Variants in USP8 observed in about 807,000 individuals in gnomAD.
The protein encoded by USP8 is ubiquitin specific peptidase 8.
USP8 carries 27 observed loss-of-function variants against 130.0 expected under a neutral mutation model. The observed-to-expected ratio is 0.21, with a 90% CI of 0.15 to 0.29. USP8 has a LOEUF of 0.29. Among genes scored for constraint, USP8 ranks in the 10% least tolerant of loss-of-function variants. USP8 has a pLI of 1.00. For missense variants in USP8, 1,029 were observed against 1,312.2 expected (o/e 0.78, Z 3.33); for synonymous variants, 392 against 444.1 (o/e 0.88, Z 1.48).
At chr15:50,466,957 G>A (rs1315091715) in intron 7 of USP8, 8 of 462,026 alleles carry the variant, frequency 1.7e-5, no homozygotes, top group Non-Finnish European at 2.8e-5. Flanking sequence ...TTTGGTGACG[G>A]TTCTAAGACA....
At chr15:50,475,114 G>T (rs1203153956) in intron 8 of USP8, among the ~76,000 whole-genome samples, 2 of 151,948 alleles carry the variant, frequency 1.3e-5, no homozygotes, top group Non-Finnish European at 2.9e-5. Context: ...ATCTCAAAAA[G>T]AAAAGACATT....
intron 3 of USP8, among the ~76,000 whole-genome samples, chr15:50,447,183 C>A (rs2050470321): frequency 6.6e-6 from 1 of 152,198 alleles, no homozygotes; most frequent in Admixed American, 6.5e-5. Context: ...TCTTCATATG[C>A]TCCAGGTTGT....
At chr15:50,446,984 A>G (rs542305507) in intron 3 of USP8, among the ~76,000 whole-genome samples, 27 of 152,310 alleles carry the variant, frequency 1.8e-4, no homozygotes, top group Admixed American at 1.6e-3. Flanking sequence ...GGACACAAAA[A>G]TTAAATCTTT....
chr15:50,433,258 C>T (rs1325949017), intron 1 of USP8, among the ~76,000 whole-genome samples: 1 of 151,866 alleles, frequency 6.6e-6, no homozygotes, highest in East Asian at 1.9e-4. Flanking sequence ...GTTATTTAAT[C>T]AATACTTAGT....
At chr15:50,436,084 T>C (rs2050082517) in intron 1 of USP8, among the ~76,000 whole-genome samples, 1 of 152,138 alleles carries the variant, frequency 6.6e-6, no homozygotes, top group East Asian at 1.9e-4. Flanking sequence ...TTTATACTCT[T>C]CTTAGTTTTA....
chr15:50,444,957 C>T (rs1595912218), intron 3 of USP8, among the ~76,000 whole-genome samples: 1 of 152,002 alleles, frequency 6.6e-6, no homozygotes, highest in South Asian at 2.1e-4. Flanking sequence ...GAGGTCTTAC[C>T]CTGTTGCCCA....
In USP8 at chr15:50,505,324, T is replaced by C. The variant is rs2052644183; in HGVS notation, c.*6236T>C. 1 of 152,176 alleles carries C rather than the reference T, an allele frequency of 6.6e-6. No homozygotes were observed. The highest frequency in any genetic ancestry group is 1.5e-5 in the Non-Finnish European group (1 of 68,028). 9.4% of individuals were successfully genotyped at this position (152,176 alleles called of 1,614,324 possible). ...GTTTACCCACAAGAATCTAACCTGC[T>C]GGTAGAAGTTCTCCATAGCAGCCAT... On this transcript the variant is annotated 3_prime_UTR_variant, in exon 20 of 20. Coordinates refer to ENST00000307179, the MANE Select transcript of USP8 (RefSeq NM_005154.5).
In USP8 at chr15:50,512,393, T is replaced by TG. The variant is rs1274096917; in HGVS notation, c.*13310dup. ...GAGAAGACTAGTAGTTGCTATGGACTGGGGGAGAAGGAACGGGTTACAGGG... is the reference window on the plus strand; with the variant it reads ...GAGAAGACTAGTAGTTGCTATGGACTGGGGGGAGAAGGAACGGGTTACAGGG... On this transcript the variant is annotated 3_prime_UTR_variant, in exon 20 of 20. Transcript: ENST00000307179. 6.6e-6 allele frequency: 1 copy of TG among 151,728 alleles called. No homozygotes were observed. Among genetic ancestry groups the TG allele is most frequent in the Non-Finnish European group, 1.5e-5 (1 of 68,068 alleles). 9.4% of individuals were successfully genotyped at this position (151,728 alleles called of 1,614,324 possible). A position where few individuals can be genotyped will look rare whatever the true frequency, so the allele number is the denominator to read the frequency against.
chr15:50,475,879 A>G (rs2051552057), intron 8 of USP8, among the ~76,000 whole-genome samples: 2 of 152,140 alleles, frequency 1.3e-5, no homozygotes. Flanking sequence ...CTGGGATTAC[A>G]GGCATGAGCC....
chr15:50,477,452 G>C lies in USP8; in HGVS notation c.1171G>C (p.Val391Leu). 1 of 1,614,126 alleles carries C rather than the reference G, an allele frequency of 6.2e-7. No homozygotes were observed. The highest frequency in any genetic ancestry group is 8.5e-7 in the Non-Finnish European group (1 of 1,180,028). ...VEPVAASKSDVSPIIQPVPSI... is the reference protein window; with the variant it reads ...VEPVAASKSDLSPIIQPVPSI... ...ACCAGTTGCTGCTTCTAAATCTGAT[G>C]TTTCACCCATAATTCAGCCAGTGCC... The change falls in exon 10 of 20, where the codon GTT becomes CTT. Residue 391 changes from valine (V) to leucine (L), a missense_variant. Around this residue, in one of 4 missense-constraint regions of USP8, gnomAD observed 486 missense variants for 522.0 expected, o/e 0.93. Coordinates refer to ENST00000307179, the MANE Select transcript of USP8 (RefSeq NM_005154.5).
In USP8 at chr15:50,464,157, G is replaced by A. The variant is rs569456761; in HGVS notation, c.542-890G>A. Among the ~76,000 whole-genome samples the A allele has an allele frequency of 4.6e-5, 7 of 152,218 alleles. No homozygotes were observed. The South Asian group carries it at 1.5e-3, about 32-fold the overall frequency. ...ACAACTATTGATCTCTGCTGTTGCAGTATGAAAAAATGTGTAAACAAACTA... is the reference window on the plus strand; with the variant it reads ...ACAACTATTGATCTCTGCTGTTGCAATATGAAAAAATGTGTAAACAAACTA... On this transcript the variant is annotated intron_variant, in intron 6 of 19. Transcript: ENST00000307179.
chr15:50,486,727 T>G (rs2051973704), intron 12 of USP8, among the ~76,000 whole-genome samples: 1 of 152,214 alleles, frequency 6.6e-6, no homozygotes. Context: ...TGTGTAAGAA[T>G]GATACAATGG....
intron 1 of USP8, among the ~76,000 whole-genome samples, chr15:50,433,012 C>T (rs77610324): frequency 2.0e-5 from 3 of 152,212 alleles, no homozygotes; most frequent in East Asian, 1.9e-4. Context: ...GAGGCCGAGG[C>T]GGGCGGATCA....
intron 14 of USP8, among the ~76,000 whole-genome samples, chr15:50,492,353 C>G (rs1595984551): frequency 6.6e-6 from 1 of 152,116 alleles, no homozygotes; most frequent in Non-Finnish European, 1.5e-5. Context: ...TTTGATAATG[C>G]CAAACTTCCA....
intron 9 of USP8, 85 bp downstream of exon 9, chr15:50,477,078 G>A: frequency 9.1e-6 from 14 of 1,537,380 alleles, no homozygotes; most frequent in Non-Finnish European, 1.1e-5. Flanking sequence ...TTGGTTGTGT[G>A]TGTATTTGTC....
chr15:50,425,844 TG>T (rs2049695276), intron 1 of USP8, among the ~76,000 whole-genome samples: 3 of 152,104 alleles, frequency 2.0e-5, no homozygotes. Context: ...TGGACGTGGC[TG>T]GGCGCAGTGG....
At chr15:50,427,501 T>C (rs1326991944) in intron 1 of USP8, among the ~76,000 whole-genome samples, 1 of 151,944 alleles carries the variant, frequency 6.6e-6, no homozygotes, top group South Asian at 2.1e-4. Context: ...TTATTAGTAC[T>C]GAATGATGAA....
chr15:50,499,670 G>T lies in USP8; in HGVS notation c.*582G>T, dbSNP rs1320222586. On this transcript the variant is annotated 3_prime_UTR_variant, in exon 20 of 20. Transcript: ENST00000307179. ...GCAATTTTTCTGTTGGCTTTGGGCT[G>T]TATTTGTGCACTAAATCTTTATTCT... 1 of 151,424 alleles carries T rather than the reference G, an allele frequency of 6.6e-6. No individual in the cohort carries two copies. Among genetic ancestry groups the T allele is most frequent in the Non-Finnish European group, 1.5e-5 (1 of 67,870 alleles). 9.4% of individuals were successfully genotyped at this position (151,424 alleles called of 1,614,324 possible).
intron 18 of USP8, chr15:50,498,339 C>T (rs2052493092): frequency 6.1e-6 from 2 of 326,518 alleles, no homozygotes; most frequent in Non-Finnish European, 1.1e-5. Flanking sequence ...GTAGCTGGAC[C>T]AGAGTATAGT....
Sources: allele counts gnomAD v4.1 joint callset (sites outside exome capture counted in the v4.1 genomes callset), GRCh38; gene constraint gnomAD v4.1.1; regional missense constraint gnomAD v4.1.1; transcripts MANE v1.5; gene names NCBI Gene and HGNC (gene_info 2026-07-23, HGNC 2026-07-21).